JAG1: variants seen among roughly 807,000 people sequenced by gnomAD.
JAG1 encodes the protein jagged canonical Notch ligand 1, also known as protein jagged-1.
Under a neutral mutation model 148.7 loss-of-function variants are expected in JAG1, and 23 were observed. That is an observed-to-expected ratio of 0.15 (90% CI 0.11 to 0.22). The LOEUF (loss-of-function observed/expected upper bound fraction) is 0.22. Ranked by LOEUF, JAG1 falls within the 10% of genes least tolerant of loss-of-function variation. The probability of loss-of-function intolerance (pLI) is 1.00; values close to 1 mark genes in which losing one functional copy is unlikely to be tolerated. For synonymous variants in JAG1, 572 were observed against 598.3 expected, an observed-to-expected ratio of 0.96 and a Z score of 0.64; for missense variants, 1,054 against 1,611.2, an observed-to-expected ratio of 0.65 and a Z score of 5.92.
rs766143399 is a variant in JAG1 at position 10,673,504 on chromosome 20, C to G, written c.27G>C (p.Arg9=). MRSPRTRG[R]SGRPLSLLLA... ...GCAGGAGGCTTAGGGGGCGCCCGGA[C>G]CGGCCGCGCGTCCGTGGGGAACGCA... The change falls in exon 1 of 26, where the codon CGG becomes CGC. Residue 9 remains arginine, a synonymous_variant. Transcript: ENST00000254958. The surrounding 1 kb of genome is among the most constrained non-coding windows in gnomAD (Gnocchi z 4.7). 1.1e-4 allele frequency: 134 copies of G among 1,270,114 alleles called. No homozygotes were observed. The highest frequency in any genetic ancestry group is 1.3e-4 in the Non-Finnish European group (133 of 1,001,132). 78.7% of individuals were successfully genotyped at this position (1,270,114 alleles called of 1,614,324 possible).
At chr20:10,648,205 C>A (rs1304458341) in intron 12 of JAG1, 95 bp from the exon 13 acceptor site, 9 of 1,451,588 alleles carry the variant, frequency 6.2e-6, no homozygotes, top group African/African-American at 1.4e-5. Flanking sequence ...TGGAATCTGA[C>A]AGTTCCTTCG....
At chr20:10,666,169 A>T (rs1166122400) in intron 2 of JAG1, among the ~76,000 whole-genome samples, 1 of 152,100 alleles carries the variant, frequency 6.6e-6, no homozygotes, top group East Asian at 1.9e-4. Context: ...GCCCAGCCCT[A>T]CAGAGAAAAA....
rs1323838012 is a variant in JAG1, at chr20:10,673,291, G to A, written c.81+159C>T. ...CTCAGGAGGCAGGGGCTCCCGTGGG[G>A]GAGTTGGCGCGCTCAGCCCAGGTGC... On this transcript the variant is annotated intron_variant, in intron 1 of 25. Transcript: ENST00000254958. The surrounding 1 kb of genome is among the most constrained non-coding windows in gnomAD (Gnocchi z 4.7). Among the ~76,000 whole-genome samples the A allele has an allele frequency of 1.3e-5, 2 of 152,190 alleles. No homozygotes were observed. Among genetic ancestry groups the A allele is most frequent in the Admixed American group, 1.3e-4 (2 of 15,286 alleles).
At chr20:10,649,178 CT>C (rs1349614176) in intron 10 of JAG1, 71 bp from the exon 11 acceptor site, 9 of 1,025,048 alleles carry the variant, frequency 8.8e-6, no homozygotes, top group Non-Finnish European at 1.1e-5. Context: ...GAAAAGCCTT[CT>C]CAGCTCAGGA....
At chr20:10,642,356 C>T in intron 21 of JAG1, 132 bp downstream of exon 21, 1 of 700,160 alleles carries the variant, frequency 1.4e-6, no homozygotes, top group South Asian at 1.5e-5. Context: ...TCTTCACGTT[C>T]CCTTTCCCTT....
chr20:10,659,002 A>G (rs1317674244), intron 3 of JAG1, among the ~76,000 whole-genome samples: 4 of 152,202 alleles, frequency 2.6e-5, no homozygotes, highest in South Asian at 2.1e-4. Flanking sequence ...GCTTCTTACT[A>G]TTAAACAAAG....
chr20:10,641,385 G>T, intron 23 of JAG1, 75 bp downstream of exon 23: 1 of 1,521,006 alleles, frequency 6.6e-7, no homozygotes, highest in Non-Finnish European at 9.1e-7. Flanking sequence ...GTAGATCCTA[G>T]CTCATGGCAT....
At position 10,645,019 on chromosome 20, in the gene JAG1, T is replaced by C; in HGVS notation, c.2228-40A>G. 1 of 1,566,804 alleles carries C rather than the reference T, an allele frequency of 6.4e-7. No homozygotes were observed. The highest frequency in any genetic ancestry group is 8.8e-7 in the Non-Finnish European group (1 of 1,137,074). On this transcript the variant is annotated intron_variant, in intron 17 of 25. Transcript: ENST00000254958. The surrounding 1 kb of genome is among the most constrained non-coding windows in gnomAD (Gnocchi z 6.1). ...CAGACACGACCACCCTCCCTGAGTATCCAGAAACAGTCTGGAGGGGCAAGA... is the reference window on the plus strand; with the variant it reads ...CAGACACGACCACCCTCCCTGAGTACCCAGAAACAGTCTGGAGGGGCAAGA...
Position 10,645,760 on chromosome 20 carries a change from T to C in JAG1, c.1999+211A>G. ...AGGAATATTTATTACACAGTCTAAT[T>C]CTATAGGTCCTCAGCAGAAGCTCCT... On this transcript the variant is annotated intron_variant, in intron 15 of 25. Coordinates refer to ENST00000254958, the MANE Select transcript of JAG1 (RefSeq NM_000214.3). This position sits in a 1 kb window ranked among gnomAD's most constrained non-coding sequence, Gnocchi z 6.1. 3.2e-6 allele frequency: 2 copies of C among 623,888 alleles called. No individual in the cohort carries two copies. Among genetic ancestry groups the C allele is most frequent in the Non-Finnish European group, 2.8e-6 (1 of 352,668 alleles). 38.6% of individuals were successfully genotyped at this position (623,888 alleles called of 1,614,324 possible).
rs769018411 is a variant in JAG1, at chr20:10,648,641, T to C, written c.1477A>G (p.Ser493Gly). 3.1e-6 allele frequency: 5 copies of C among 1,614,142 alleles called. No individual in the cohort carries two copies. The highest frequency in any genetic ancestry group is 2.2e-5 in the South Asian group (2 of 91,086). ...TGACCCCCATTCAAACAGGGGTTGC[T>C]GGCACATTCATCGATGTCTCTCTCA... ...HCERDIDECA[S>G]NPCLNGGHCQ... is the part of the protein sequence containing the mutation. The change falls in exon 12 of 26, where the codon AGC becomes GGC. Residue 493 changes from serine to glycine, a missense_variant. Around this residue, in one of 6 missense-constraint regions of JAG1, gnomAD observed 245 missense variants for 373.1 expected, o/e 0.66. Transcript: ENST00000254958.
At chr20:10,657,304 G>A (rs2067385143) in intron 4 of JAG1, among the ~76,000 whole-genome samples, 1 of 149,600 alleles carries the variant, frequency 6.7e-6, no homozygotes, top group African/African-American at 2.5e-5. Flanking sequence ...AGGCTCCAGT[G>A]AGCCATGATT....
In JAG1 at chr20:10,644,783, T is replaced by C. The variant is rs181129288; in HGVS notation, c.2344+80A>G. ...AGCAGACATCAAACAGCTCTGCTTC[T>C]GGTTTCCATTGCAAGTCCCCAAGGG... On this transcript the variant is annotated intron_variant, in intron 18 of 25. Transcript: ENST00000254958. 3.7e-5 allele frequency: 36 copies of C among 984,018 alleles called. No individual in the cohort carries two copies. In the East Asian group the frequency reaches 8.6e-4, roughly 23 times the overall value. 61.0% of individuals were successfully genotyped at this position (984,018 alleles called of 1,614,324 possible).
At chr20:10,672,630 AAGG>A in intron 2 of JAG1, 68 bp downstream of exon 2, 4 of 1,474,408 alleles carry the variant, frequency 2.7e-6, no homozygotes, top group Non-Finnish European at 3.8e-6. Context: ...TCCCTCTCGC[AAGG>A]GATAACAGGG....
Position 10,646,002 on chromosome 20 carries a change from A to G in JAG1, c.1968T>C (p.Ser656=). 1 of 1,613,714 alleles carries G rather than the reference A, an allele frequency of 6.2e-7. No individual in the cohort carries two copies. Among genetic ancestry groups the G allele is most frequent in the Admixed American group, 1.7e-5 (1 of 60,028 alleles). The change falls in exon 15 of 26, where the codon AGT becomes AGC. Residue 656 remains serine, a synonymous_variant. Coordinates refer to ENST00000254958, the MANE Select transcript of JAG1 (RefSeq NM_000214.3). ...DGVNSYKCIC[S]DGWEGAYCET... ...CACAGTAGGCCCCCTCCCAGCCGTCACTACAGATGCACTTGTAGGAGTTGA... is the reference window on the plus strand; with the variant it reads ...CACAGTAGGCCCCCTCCCAGCCGTCGCTACAGATGCACTTGTAGGAGTTGA...
chr20:10,644,287 C>CACACACAT, intron 19 of JAG1, 70 bp downstream of exon 19: 1 of 1,004,298 alleles, frequency 1.0e-6, no homozygotes, highest in Non-Finnish European at 1.5e-6. Context: ...CACACACACA[C>CACACACAT]ACACACACAC....
intron 3 of JAG1, among the ~76,000 whole-genome samples, chr20:10,659,303 A>G (rs2067398614): frequency 6.6e-6 from 1 of 152,236 alleles, no homozygotes; most frequent in East Asian, 1.9e-4. Context: ...TTACAAAACC[A>G]TTTATATTTG....
Position 10,648,716 on chromosome 20 carries a change from C to T in JAG1, c.1402G>A (p.Val468Ile). Residue 468 changes from valine to isoleucine, a missense_variant, in exon 12 of 26, where the codon GTT becomes ATT. Val to Ile is a conservative substitution (Grantham distance 29). Around this residue, in one of 6 missense-constraint regions of JAG1, gnomAD observed 245 missense variants for 373.1 expected, o/e 0.66. Coordinates refer to ENST00000254958, the MANE Select transcript of JAG1 (RefSeq NM_000214.3). ...GGACAGATACAGCGATAACCATTAACCAAATCCTAGAAGAGGAGAAGGGGA... is the reference window on the plus strand; with the variant it reads ...GGACAGATACAGCGATAACCATTAATCAAATCCTAGAAGAGGAGAAGGGGA... ...CQNDASCRDL[V>I]NGYRCICPPG... is the part of the protein sequence containing the mutation. 6.2e-7 allele frequency: 1 copy of T among 1,614,178 alleles called. No individual in the cohort carries two copies. The highest frequency in any genetic ancestry group is 8.5e-7 in the Non-Finnish European group (1 of 1,179,988).
chr20:10,652,577 G>C lies in JAG1; in HGVS notation c.777C>G (p.Gly259=). 6.2e-7 allele frequency: 1 copy of C among 1,613,854 alleles called. No homozygotes were observed. The highest frequency in any genetic ancestry group is 2.2e-5 in the East Asian group (1 of 44,858). The change falls in exon 6 of 26, where the codon GGC becomes GGG. Residue 259 remains glycine (G), a synonymous_variant. Transcript: ENST00000254958. Reference sequence around the variant, plus strand: ...GTGGGATGCACTTATCACAGTACAGGCCTTGCCAGCCGTACTGGCACCTGG... The same window carrying C: ...GTGGGATGCACTTATCACAGTACAGCCCTTGCCAGCCGTACTGGCACCTGG... ...GDCRCQYGWQ[G]LYCDKCIPHP...
rs764341568 is a variant in JAG1 at position 10,641,233 on chromosome 20, C to T, written c.2928G>A (p.Thr976=). 2.7e-5 allele frequency: 44 copies of T among 1,613,714 alleles called. No individual in the cohort carries two copies. Among genetic ancestry groups the T allele is most frequent in the Middle Eastern group, 1.6e-4 (1 of 6,084 alleles). ...TCCTCAATTCACTGCAAATGTGCTC[C>T]GTAGTAAGACCCTAAAACGATTTTT... The part of the protein sequence containing the change: ...NKEMMSPGLT[T]EHICSELRNL... The change falls in exon 24 of 26, where the codon ACG becomes ACA. Residue 976 remains threonine, a synonymous_variant. Coordinates refer to ENST00000254958, the MANE Select transcript of JAG1 (RefSeq NM_000214.3).
Sources: allele counts gnomAD v4.1 joint callset (sites outside exome capture counted in the v4.1 genomes callset), GRCh38; gene constraint gnomAD v4.1.1; regional missense constraint gnomAD v4.1.1; non-coding constraint Gnocchi (gnomAD v3.1); transcripts MANE v1.5; gene names NCBI Gene and HGNC (gene_info 2026-07-23, HGNC 2026-07-21).